LRRC8B: variants seen among roughly 807,000 people sequenced by gnomAD.
The protein encoded by LRRC8B is leucine rich repeat containing 8 VRAC subunit B.
LRRC8B carries 23 observed loss-of-function variants against 58.8 expected under a neutral mutation model. The observed-to-expected ratio is 0.39, with a 90% CI of 0.28 to 0.55. LRRC8B has a LOEUF of 0.55. Among genes scored for constraint, LRRC8B ranks in the 20% least tolerant of loss-of-function variants. The pLI is 0.62. For synonymous variants in LRRC8B, 359 were observed against 374.1 expected, an observed-to-expected ratio of 0.96 and a Z score of 0.47; for missense variants, 694 against 936.0, an observed-to-expected ratio of 0.74 and a Z score of 3.37.
intron 1 of LRRC8B, among the ~76,000 whole-genome samples, chr1:89,533,481 C>A (rs1482197984): frequency 6.6e-6 from 1 of 152,132 alleles, no homozygotes; most frequent in South Asian, 2.1e-4. Context: ...TGTTCCTTCC[C>A]TCTGTTTGGG....
chr1:89,580,985 C>A (rs1654175180), intron 4 of LRRC8B, among the ~76,000 whole-genome samples: 1 of 151,982 alleles, frequency 6.6e-6, no homozygotes, highest in African/African-American at 2.4e-5. Context: ...AGAAAGAGGG[C>A]AAATGAGAGT....
At chr1:89,525,323 C>G (rs1364983638) in intron 1 of LRRC8B, among the ~76,000 whole-genome samples, 2 of 152,172 alleles carry the variant, frequency 1.3e-5, no homozygotes, top group Non-Finnish European at 1.5e-5. Context: ...ACGGTCACCT[C>G]TCTTTCCCCC....
At chr1:89,542,710 T>A (rs1651105718) in intron 1 of LRRC8B, among the ~76,000 whole-genome samples, 1 of 152,256 alleles carries the variant, frequency 6.6e-6, no homozygotes, top group Admixed American at 6.5e-5. Context: ...GGAGAAAATC[T>A]CATGGGGTTG....
chr1:89,559,704 CAG>C (rs1652479644), intron 1 of LRRC8B, among the ~76,000 whole-genome samples: 1 of 151,810 alleles, frequency 6.6e-6, no homozygotes. Flanking sequence ...ATATGTGAGG[CAG>C]AGTGAGTGTC....
chr1:89,576,849 G>A (rs1327066524), intron 3 of LRRC8B, among the ~76,000 whole-genome samples: 2 of 152,114 alleles, frequency 1.3e-5, no homozygotes, highest in Non-Finnish European at 2.9e-5. Context: ...GTTATTGCCG[G>A]TGATCATTTA....
rs770843157 is a variant in LRRC8B at position 89,584,698 on chromosome 1, A to T, written c.2048A>T (p.Tyr683Phe). The change falls in exon 5 of 6, where the codon TAT becomes TTT. Residue 683 changes from tyrosine to phenylalanine, a missense_variant. Coordinates refer to ENST00000330947, the MANE Select transcript of LRRC8B (RefSeq NM_001369817.2). ...CTTTTCCTATGCACTAAACTACATT[A>T]TTTGGATCTAAGCTATAACCACTTG... The part of the protein sequence containing the change: ...LQLFLCTKLH[Y>F]LDLSYNHLTF... 1 of 1,613,828 alleles carries T rather than the reference A, an allele frequency of 6.2e-7. No individual in the cohort carries two copies. Among genetic ancestry groups the T allele is most frequent in the African/African-American group, 1.3e-5 (1 of 74,932 alleles).
intron 1 of LRRC8B, among the ~76,000 whole-genome samples, chr1:89,559,367 G>A (rs570221774): frequency 2.0e-5 from 3 of 151,892 alleles, no homozygotes; most frequent in Non-Finnish European, 2.9e-5. Context: ...ACTTCCTGCC[G>A]GGTGCGGTGG....
intron 3 of LRRC8B, among the ~76,000 whole-genome samples, chr1:89,579,001 A>G (rs114830764): frequency 0.021 from 3,219 of 152,300 alleles, 106 homozygotes; most frequent in African/African-American, 0.073. Flanking sequence ...TGTATCTGAA[A>G]AAGTATATTA....
At position 89,531,792 on chromosome 1, in the gene LRRC8B, T is replaced by C. The variant is rs557371756; in HGVS notation, c.-241+6770T>C. On this transcript the variant is annotated intron_variant, in intron 1 of 5. Transcript: ENST00000330947. ...GCCATCTCAAAATATGTCAAAGAAG[T>C]ATATTTTGGGGTGCAATATTTTGGT... is the stretch of plus-strand genomic sequence containing the variant. 1.2e-4 allele frequency among the ~76,000 whole-genome samples: 19 copies of C among 152,298 alleles called. No homozygotes were observed. In the South Asian group the frequency reaches 2.7e-3, roughly 22 times the overall value.
At chr1:89,556,480 C>T (rs942292321) in intron 1 of LRRC8B, among the ~76,000 whole-genome samples, 4 of 152,050 alleles carry the variant, frequency 2.6e-5, no homozygotes, top group African/African-American at 9.7e-5. Flanking sequence ...GTACAGGCAG[C>T]CTGGATTCCT....
intron 3 of LRRC8B, among the ~76,000 whole-genome samples, chr1:89,571,330 A>G (rs1653458813): frequency 6.6e-6 from 1 of 152,200 alleles, no homozygotes. Context: ...TTAATGATAC[A>G]GATTCTTCTT....
chr1:89,562,391 A>G (rs1008202577), intron 1 of LRRC8B, among the ~76,000 whole-genome samples: 1 of 152,140 alleles, frequency 6.6e-6, no homozygotes, highest in Non-Finnish European at 1.5e-5. Flanking sequence ...TATTTTAGGA[A>G]AAAAAATCTC....
intron 1 of LRRC8B, among the ~76,000 whole-genome samples, chr1:89,556,274 T>C (rs1367626309): frequency 6.6e-6 from 1 of 152,132 alleles, no homozygotes; most frequent in Non-Finnish European, 1.5e-5. Flanking sequence ...GCAGAGAAGC[T>C]CCATCCTCCC....
At chr1:89,545,017 T>C (rs1469958259) in intron 1 of LRRC8B, among the ~76,000 whole-genome samples, 1 of 152,222 alleles carries the variant, frequency 6.6e-6, no homozygotes, top group African/African-American at 2.4e-5. Context: ...GTTGAAAACA[T>C]ATATTGCTTT....
At chr1:89,549,508 G>C (rs993596500) in intron 1 of LRRC8B, among the ~76,000 whole-genome samples, 3 of 152,176 alleles carry the variant, frequency 2.0e-5, no homozygotes, top group African/African-American at 7.2e-5. Context: ...AAGACAATGA[G>C]CACCTGCAAT....
At chr1:89,576,122 T>A (rs56166510) in intron 3 of LRRC8B, among the ~76,000 whole-genome samples, 200 of 152,342 alleles carry the variant, frequency 1.3e-3, no homozygotes, top group African/African-American at 4.7e-3. Context: ...GAAATAGCCT[T>A]TCAGCTGCTC....
intron 1 of LRRC8B, among the ~76,000 whole-genome samples, chr1:89,546,200 G>C (rs1421810325): frequency 6.6e-6 from 1 of 152,156 alleles, no homozygotes; most frequent in Admixed American, 6.6e-5. Flanking sequence ...ATTTGATGGT[G>C]GGGGAGGATT....
intron 1 of LRRC8B, among the ~76,000 whole-genome samples, chr1:89,565,945 C>T (rs1249343088): frequency 6.6e-6 from 1 of 152,110 alleles, no homozygotes; most frequent in Non-Finnish European, 1.5e-5. Flanking sequence ...GTTTCTGACC[C>T]GAAGGAAATA....
chr1:89,533,247 A>T lies in LRRC8B; in HGVS notation c.-241+8225A>T, dbSNP rs374044066. On this transcript the variant is annotated intron_variant, in intron 1 of 5. Coordinates refer to ENST00000330947, the MANE Select transcript of LRRC8B (RefSeq NM_001369817.2). ...ACCCTTTAATGGCTCCCTATGCCCC[A>T]GGATTAAGTCCAAACACCATGGTGT... Among the ~76,000 whole-genome samples, 7 of 152,322 alleles carry T rather than the reference A, an allele frequency of 4.6e-5. No homozygotes were observed. The South Asian group carries it at 1.2e-3, about 27-fold the overall frequency.
Sources: gnomAD v4.1 joint callset for allele counts (sites outside exome capture counted in the v4.1 genomes callset) on GRCh38, gnomAD v4.1.1 for gene constraint, MANE v1.5 for transcripts, NCBI Gene and HGNC (gene_info 2026-07-23, HGNC 2026-07-21) for gene names.